Variants in MAGI3 observed in about 807,000 individuals in gnomAD.
MAGI3 encodes the protein membrane associated guanylate kinase, WW and PDZ domain containing 3, also known as membrane-associated guanylate kinase, WW and PDZ domain-containing protein 3.
MAGI3 carries 43 observed loss-of-function variants against 121.8 expected under a neutral mutation model. The observed-to-expected ratio is 0.35, with a 90% CI of 0.28 to 0.46. The LOEUF is 0.46. MAGI3 is among the 20% of genes least tolerant of loss of function. The pLI is 1.00. For synonymous variants in MAGI3, 553 were observed against 639.3 expected, an observed-to-expected ratio of 0.86 and a Z score of 2.04; for missense variants, 1,547 against 1,797.3, an observed-to-expected ratio of 0.86 and a Z score of 2.52.
Position 113,642,097 on chromosome 1 carries a change from G to A in MAGI3, c.1547G>A (p.Gly516Glu), listed in dbSNP as rs1652576241. The stretch of plus-strand genomic sequence containing the variant: ...GTTGCTGCTACCCCTGTCATCAATG[G>A]ACAGTCATTAACCAAGGGAGAGACT... ...DIVAATPVIN[G>E]QSLTKGETCM... Residue 516 changes from glycine (G) to glutamate (E), a missense_variant, in exon 10 of 21, where the codon GGA becomes GAA. By Grantham distance (98) the Gly-to-Glu change is moderately conservative (BLOSUM62 -2). Transcript: ENST00000307546. 1 of 1,614,146 alleles carries A rather than the reference G, an allele frequency of 6.2e-7. No individual in the cohort carries two copies. Among genetic ancestry groups the A allele is most frequent in the Non-Finnish European group, 8.5e-7 (1 of 1,180,014 alleles).
chr1:113,575,582 C>T (rs541674446), intron 2 of MAGI3, among the ~76,000 whole-genome samples: 19 of 152,308 alleles, frequency 1.2e-4, no homozygotes, highest in African/African-American at 4.3e-4. Flanking sequence ...CAGAGGGGCA[C>T]CCACCTGATG....
intron 1 of MAGI3, among the ~76,000 whole-genome samples, chr1:113,396,270 A>G (rs1651111229): frequency 7.2e-6 from 1 of 139,112 alleles, no homozygotes; most frequent in Non-Finnish European, 1.5e-5. Flanking sequence ...CAATTTCAAA[A>G]TCTGTGAATG....
Position 113,416,032 on chromosome 1 carries a change from C to T in MAGI3, c.316+24683C>T, listed in dbSNP as rs190046959. 6.0e-3 allele frequency among the ~76,000 whole-genome samples: 862 copies of T among 143,958 alleles called. 2 individuals carry two copies. The highest frequency in any genetic ancestry group is 0.028 in the South Asian group (128 of 4,616). The allele number at this position is 143,958 out of a possible 152,430, so 94.4% of individuals were successfully genotyped here. A position where few individuals can be genotyped will look rare whatever the true frequency, so the allele number is the denominator to read the frequency against. On this transcript the variant is annotated intron_variant, in intron 1 of 20. Transcript: ENST00000307546. ...TATATTAATTATGTAATTAATGACA[C>T]ATATTAATTATGTAATTAATGACAC...
intron 1 of MAGI3, among the ~76,000 whole-genome samples, chr1:113,441,295 AATT>A (rs1254762834): frequency 6.6e-6 from 1 of 152,048 alleles, no homozygotes; most frequent in Admixed American, 6.6e-5. Context: ...AGCCTTCCAC[AATT>A]ATTAGATCTC....
intron 1 of MAGI3, among the ~76,000 whole-genome samples, chr1:113,457,255 T>G (rs1044696114): frequency 3.9e-5 from 6 of 152,210 alleles, no homozygotes; most frequent in African/African-American, 1.4e-4. Context: ...GATCAAAATT[T>G]GGCAGGTTTT....
At chr1:113,546,161 A>G (rs989671089) in intron 1 of MAGI3, among the ~76,000 whole-genome samples, 6 of 152,208 alleles carry the variant, frequency 3.9e-5, no homozygotes, top group African/African-American at 1.2e-4. Context: ...GATGGCTGCT[A>G]CATCCAATAT....
intron 1 of MAGI3, among the ~76,000 whole-genome samples, chr1:113,496,473 C>T (rs1656923387): frequency 6.6e-6 from 1 of 152,106 alleles, no homozygotes; most frequent in Admixed American, 6.5e-5. Context: ...CTAAGTAAAT[C>T]GGTAAATAGA....
At chr1:113,522,301 C>T (rs1461314462) in intron 1 of MAGI3, among the ~76,000 whole-genome samples, 1 of 152,182 alleles carries the variant, frequency 6.6e-6, no homozygotes, top group Non-Finnish European at 1.5e-5. Flanking sequence ...GATGGGATTT[C>T]ACCATGTTGG....
chr1:113,428,916 A>T (rs1004083076), intron 1 of MAGI3, among the ~76,000 whole-genome samples: 1 of 152,258 alleles, frequency 6.6e-6, no homozygotes, highest in African/African-American at 2.4e-5. Context: ...TAAATTAATT[A>T]AAAATTTAAA....
chr1:113,522,446 T>A (rs1253519682), intron 1 of MAGI3, among the ~76,000 whole-genome samples: 4 of 152,204 alleles, frequency 2.6e-5, no homozygotes, highest in African/African-American at 9.6e-5. Context: ...CTTATCTTTG[T>A]CTTCTGTCCT....
intron 1 of MAGI3, among the ~76,000 whole-genome samples, chr1:113,438,151 A>C (rs116672737): frequency 1.3e-4 from 19 of 151,920 alleles, no homozygotes; most frequent in Non-Finnish European, 2.2e-4. Context: ...GGTTGTTGCT[A>C]TGTTGCCCAG....
chr1:113,636,687 G>A (rs376156684), intron 9 of MAGI3, among the ~76,000 whole-genome samples: 6 of 150,748 alleles, frequency 4.0e-5, no homozygotes, highest in South Asian at 2.1e-4. Context: ...TGTGGTGCTG[G>A]AAAAAATGTA....
At chr1:113,467,224 G>T (rs1655330506) in intron 1 of MAGI3, among the ~76,000 whole-genome samples, 2 of 151,922 alleles carry the variant, frequency 1.3e-5, no homozygotes, top group Admixed American at 1.3e-4. Context: ...AGAGCATATT[G>T]TTTAATTTCC....
At chr1:113,484,753 C>A (rs1026180483) in intron 1 of MAGI3, among the ~76,000 whole-genome samples, 1 of 89,934 alleles carries the variant, frequency 1.1e-5, no homozygotes, top group Admixed American at 1.1e-4. Flanking sequence ...TTCCACAGAG[C>A]CTTGCTCTCT....
intron 16 of MAGI3, 103 bp downstream of exon 16, chr1:113,659,368 ATAACTG>A: frequency 9.6e-7 from 1 of 1,036,674 alleles, no homozygotes; most frequent in South Asian, 1.5e-5. Flanking sequence ...CTGCGGGGAT[ATAACTG>A]TGTATGCACG....
intron 2 of MAGI3, 23 bp from the exon 3 acceptor site, chr1:113,580,519 C>CTTTTTTTT: frequency 6.9e-7 from 1 of 1,458,586 alleles, no homozygotes; most frequent in Admixed American, 2.0e-5. Context: ...TTACAACCTA[C>CTTTTTTTT]TTTTTTTTTT....
intron 1 of MAGI3, among the ~76,000 whole-genome samples, chr1:113,486,651 CTTTTTTTTT>C: frequency 8.1e-6 from 1 of 124,022 alleles, no homozygotes; most frequent in Admixed American, 8.3e-5. Flanking sequence ...TCTTCAAAGT[CTTTTTTTTT>C]TTTTTTTTTG....
intron 1 of MAGI3, among the ~76,000 whole-genome samples, chr1:113,434,034 T>G (rs529084481): frequency 6.6e-6 from 1 of 152,300 alleles, no homozygotes; most frequent in South Asian, 2.1e-4. Flanking sequence ...CTGTTACCAA[T>G]TAATTGCCTC....
At chr1:113,509,918 T>G (rs1198349893) in intron 1 of MAGI3, among the ~76,000 whole-genome samples, 1 of 151,180 alleles carries the variant, frequency 6.6e-6, no homozygotes, top group East Asian at 2.0e-4. Flanking sequence ...AGAGTGCGCC[T>G]GCAGCACGTT....
Sources: allele counts gnomAD v4.1 joint callset (sites outside exome capture counted in the v4.1 genomes callset), GRCh38; gene constraint gnomAD v4.1.1; transcripts MANE v1.5; gene names NCBI Gene and HGNC (gene_info 2026-07-23, HGNC 2026-07-21).